The following AFF2 variants were observed in gnomAD, a reference collection of about 807,000 sequenced individuals.
AFF2 encodes ALF transcription elongation factor 2.
AFF2 carries 14 observed loss-of-function variants against 76.9 expected under a neutral mutation model. The ratio of observed to expected loss-of-function variants is 0.18; its 90% CI spans 0.12 to 0.28. The LOEUF (loss-of-function observed/expected upper bound fraction) is 0.28, where lower values mean the gene tolerates loss of function less well. Ranked by LOEUF, AFF2 falls within the 10% of genes least tolerant of loss-of-function variation. AFF2 has a pLI of 1.00. For synonymous variants in AFF2, 398 were observed against 366.7 expected, an observed-to-expected ratio of 1.09 and a Z score of -0.98; for missense variants, 868 against 1,001.1, an observed-to-expected ratio of 0.87 and a Z score of 1.79.
intron 1 of AFF2, among the ~76,000 whole-genome samples, chrX:148,568,559 T>C (rs979445805): frequency 1.1e-4 from 12 of 111,854 alleles, no homozygotes; most frequent in African/African-American, 3.9e-4. Context: ...GCAGATGCAT[T>C]TTGCTTCAAC....
intron 9 of AFF2, among the ~76,000 whole-genome samples, chrX:148,943,108 A>C (rs2071860053): frequency 9.0e-6 from 1 of 111,654 alleles, no homozygotes; most frequent in Admixed American, 9.4e-5. Context: ...TCTGTACATC[A>C]TCCACTTCTC....
At chrX:148,641,548 C>T (rs547545148) in intron 1 of AFF2, among the ~76,000 whole-genome samples, 1 of 111,738 alleles carries the variant, frequency 8.9e-6, no homozygotes, top group African/African-American at 3.3e-5. Flanking sequence ...ATGATCTGCA[C>T]ACACTGTGAG....
intron 9 of AFF2, among the ~76,000 whole-genome samples, chrX:148,930,652 C>T (rs1190496108): frequency 8.9e-6 from 1 of 112,409 alleles, no homozygotes; most frequent in Admixed American, 9.4e-5. Context: ...TTGCGTTGGT[C>T]CCAAACCACG....
At chrX:148,629,011 T>C (rs1465649112) in intron 1 of AFF2, among the ~76,000 whole-genome samples, 1 of 111,897 alleles carries the variant, frequency 8.9e-6, no homozygotes, top group Non-Finnish European at 1.9e-5. Flanking sequence ...CCAAAGTGTA[T>C]CTCATTTTAA....
At chrX:148,626,838 C>T (rs1399478558) in intron 1 of AFF2, among the ~76,000 whole-genome samples, 7 of 111,304 alleles carry the variant, frequency 6.3e-5, no homozygotes, top group Admixed American at 9.6e-5. Context: ...TAATTTAATG[C>T]GGTGCTAAAT....
chrX:148,702,122 T>C (rs2054806833), intron 3 of AFF2, among the ~76,000 whole-genome samples: 1 of 111,229 alleles, frequency 9.0e-6, no homozygotes, highest in South Asian at 3.8e-4. Flanking sequence ...TCCACGTGGA[T>C]GTCACATTTT....
intron 1 of AFF2, among the ~76,000 whole-genome samples, chrX:148,567,561 A>T: frequency 9.0e-6 from 1 of 111,436 alleles, no homozygotes; most frequent in Non-Finnish European, 1.9e-5. Context: ...AACTCAGCTT[A>T]CGGTGGAGTC....
chrX:148,851,833 C>T (rs187744256), intron 7 of AFF2, among the ~76,000 whole-genome samples: 46 of 110,040 alleles, frequency 4.2e-4, no homozygotes, highest in African/African-American at 1.3e-3. Flanking sequence ...AGTTATAAAG[C>T]CCAGTACTCA....
intron 9 of AFF2, among the ~76,000 whole-genome samples, chrX:148,930,275 A>G (rs1200123221): frequency 8.9e-6 from 1 of 112,279 alleles, no homozygotes; most frequent in Non-Finnish European, 1.9e-5. Flanking sequence ...TACAGTAAAC[A>G]TTAGAAAATA....
intron 3 of AFF2, among the ~76,000 whole-genome samples, chrX:148,735,507 T>C (rs2055274400): frequency 8.9e-6 from 1 of 112,215 alleles, no homozygotes; most frequent in Non-Finnish European, 1.9e-5. Context: ...CCTCCATCTT[T>C]TTTCCTGCTT....
At chrX:148,715,160 T>C (rs1376174186) in intron 3 of AFF2, among the ~76,000 whole-genome samples, 1 of 111,003 alleles carries the variant, frequency 9.0e-6, no homozygotes, top group Non-Finnish European at 1.9e-5. Flanking sequence ...GAGAATGACG[T>C]TGATAGAAGC....
At chrX:148,760,932 A>G (rs781807557) in intron 3 of AFF2, among the ~76,000 whole-genome samples, 128 of 112,090 alleles carry the variant, frequency 1.1e-3, no homozygotes, top group African/African-American at 4.0e-3. Context: ...TCTATTTGCC[A>G]ATAGATTTAA....
intron 1 of AFF2, among the ~76,000 whole-genome samples, chrX:148,509,655 G>A (rs990108809): frequency 2.8e-4 from 31 of 112,370 alleles, no homozygotes; most frequent in African/African-American, 1.0e-3. Flanking sequence ...AGGGTATACT[G>A]TAGCTCTTGA....
intron 1 of AFF2, among the ~76,000 whole-genome samples, chrX:148,565,649 C>T: frequency 9.0e-6 from 1 of 111,020 alleles, no homozygotes; most frequent in Non-Finnish European, 1.9e-5. Flanking sequence ...TATGCTTGCT[C>T]ATAGGTTTAT....
intron 3 of AFF2, among the ~76,000 whole-genome samples, chrX:148,808,403 G>A (rs1557271510): frequency 8.9e-6 from 1 of 112,295 alleles, no homozygotes; most frequent in African/African-American, 3.2e-5. Flanking sequence ...CAAATCACCA[G>A]TGGTTCTCTA....
At chrX:148,693,888 TA>T (rs1436184909) in intron 3 of AFF2, among the ~76,000 whole-genome samples, 1 of 111,470 alleles carries the variant, frequency 9.0e-6, no homozygotes, top group Non-Finnish European at 1.9e-5. Context: ...AAAGTGAAAG[TA>T]AAAAGCTGAG....
chrX:148,723,875 T>C (rs1557264028), intron 3 of AFF2, among the ~76,000 whole-genome samples: 1 of 110,975 alleles, frequency 9.0e-6, no homozygotes, highest in African/African-American at 3.3e-5. Flanking sequence ...TAACCAAAAT[T>C]GTATTCAGGT....
At chrX:148,923,160 C>G (rs1040480637) in intron 9 of AFF2, among the ~76,000 whole-genome samples, 1 of 111,556 alleles carries the variant, frequency 9.0e-6, no homozygotes, top group Admixed American at 9.5e-5. Flanking sequence ...TTATAAAGTA[C>G]GTGCACATTT....
At chrX:148,845,706 C>T (rs1198179175) in intron 7 of AFF2, among the ~76,000 whole-genome samples, 2 of 112,099 alleles carry the variant, frequency 1.8e-5, no homozygotes, top group East Asian at 2.8e-4. Flanking sequence ...CTAGGATTTT[C>T]CATTTGGCAG....
Sources: gnomAD v4.1 joint callset for allele counts (sites outside exome capture counted in the v4.1 genomes callset) on GRCh38, gnomAD v4.1.1 for gene constraint, MANE v1.5 for transcripts, NCBI Gene and HGNC (gene_info 2026-07-23, HGNC 2026-07-21) for gene names.